Variants in DIP2B observed in about 807,000 individuals in gnomAD.
DIP2B encodes DIP2 acetate--CoA ligase B (putative).
In DIP2B, 76 loss-of-function variants were observed where a neutral mutation model predicts 198.0. That is an observed-to-expected ratio of 0.38 (90% confidence interval 0.32 to 0.46). DIP2B has a LOEUF of 0.46. DIP2B is among the 20% of genes least tolerant of loss of function. The probability of loss-of-function intolerance (pLI) is 0.99; values close to 1 mark genes in which losing one functional copy is unlikely to be tolerated. For missense variants in DIP2B, 1,559 were observed against 1,978.4 expected, an observed-to-expected ratio of 0.79 and a Z score of 4.02; for synonymous variants, 701 against 739.1, an observed-to-expected ratio of 0.95 and a Z score of 0.84.
At chr12:50,652,966 C>T (rs1351648293) in intron 3 of DIP2B, among the ~76,000 whole-genome samples, 3 of 148,122 alleles carry the variant, frequency 2.0e-5, no homozygotes, top group African/African-American at 5.0e-5. Flanking sequence ...TTTAAAGAAA[C>T]GGGGTCTCCC....
chr12:50,699,208 T>A lies in DIP2B; in HGVS notation c.2325+6T>A. The A allele has an allele frequency of 6.2e-7, 1 of 1,613,900 alleles. No individual in the cohort carries two copies. The highest frequency in any genetic ancestry group is 8.5e-7 in the Non-Finnish European group (1 of 1,179,966). On this transcript the variant is annotated splice_donor_region_variant and intron_variant, in intron 19 of 37. Coordinates refer to ENST00000301180, the MANE Select transcript of DIP2B (RefSeq NM_173602.3). ...TGACAAAAAATACATTTGAGGTACA[T>A]GATATTAACATTTCACAGGGAAAAT...
intron 1 of DIP2B, among the ~76,000 whole-genome samples, chr12:50,613,372 C>T (rs969521902): frequency 6.6e-6 from 1 of 152,244 alleles, no homozygotes; most frequent in African/African-American, 2.4e-5. Context: ...ACAAGAAAAC[C>T]TTTACTCTGA....
intron 4 of DIP2B, among the ~76,000 whole-genome samples, chr12:50,668,473 A>G (rs779973789): frequency 3.3e-4 from 50 of 152,208 alleles, no homozygotes; most frequent in Admixed American, 6.5e-5. Context: ...GTCATTAAAC[A>G]CTGAAGACTG....
At chr12:50,724,470 G>A (rs1159541716) in intron 27 of DIP2B, among the ~76,000 whole-genome samples, 2 of 152,124 alleles carry the variant, frequency 1.3e-5, no homozygotes, top group African/African-American at 2.4e-5. Context: ...TTTAATTGTG[G>A]TCTTCATGAA....
chr12:50,536,977 T>C (rs2139369890), intron 1 of DIP2B, among the ~76,000 whole-genome samples: 1 of 151,926 alleles, frequency 6.6e-6, no homozygotes, highest in Middle Eastern at 3.4e-3. Context: ...ACTTTAGTTC[T>C]GACTCTGACA....
intron 1 of DIP2B, among the ~76,000 whole-genome samples, chr12:50,511,291 A>ATCTTTTTTT (rs1958013643): frequency 1.5e-5 from 1 of 64,664 alleles, no homozygotes; most frequent in African/African-American, 6.0e-5. Flanking sequence ...TGTGATTTCT[A>ATCTTTTTTT]TTTTTTTTTT....
intron 29 of DIP2B, 86 bp downstream of exon 29, chr12:50,727,898 G>T (rs1042823507): frequency 8.7e-7 from 1 of 1,144,834 alleles, no homozygotes; most frequent in Middle Eastern, 2.0e-4. Flanking sequence ...GAGGCCAAGT[G>T]GTTGTACCAG....
intron 1 of DIP2B, among the ~76,000 whole-genome samples, chr12:50,556,156 T>G (rs150782668): frequency 0.012 from 1,802 of 152,078 alleles, 43 homozygotes; most frequent in African/African-American, 0.041. Flanking sequence ...TTCAAGCAAT[T>G]CTCCTGCCTC....
chr12:50,647,051 T>G (rs1593683923), intron 3 of DIP2B, among the ~76,000 whole-genome samples: 2 of 109,966 alleles, frequency 1.8e-5, no homozygotes, highest in African/African-American at 7.0e-5. Context: ...TGTCTTTTTT[T>G]GGGGGGAGGG....
At chr12:50,689,577 C>G (rs940065733) in intron 12 of DIP2B, among the ~76,000 whole-genome samples, 1 of 152,074 alleles carries the variant, frequency 6.6e-6, no homozygotes, top group Admixed American at 6.6e-5. Context: ...GCATCCTTCA[C>G]TAAGATAGAA....
At chr12:50,620,989 A>G (rs1444186517) in intron 1 of DIP2B, among the ~76,000 whole-genome samples, 1 of 152,238 alleles carries the variant, frequency 6.6e-6, no homozygotes, top group Non-Finnish European at 1.5e-5. Flanking sequence ...AGATTTCTGG[A>G]TCTTAATCCA....
rs564009541 is a variant in DIP2B, at chr12:50,672,561, C to T, written c.640+1163C>T. ...TTGTTAACAAGATGTCTCATCCAACCGTATATTTTTCATTGCTTCTACTAC... is the reference window on the plus strand; with the variant it reads ...TTGTTAACAAGATGTCTCATCCAACTGTATATTTTTCATTGCTTCTACTAC... On this transcript the variant is annotated intron_variant, in intron 5 of 37. Coordinates refer to ENST00000301180, the MANE Select transcript of DIP2B (RefSeq NM_173602.3). Among the ~76,000 whole-genome samples the T allele has an allele frequency of 3.6e-4, 55 of 152,274 alleles. No homozygotes were observed. In the South Asian group the frequency reaches 0.01, roughly 28 times the overall value.
At chr12:50,506,994 T>C (rs1052834195) in intron 1 of DIP2B, among the ~76,000 whole-genome samples, 3 of 152,174 alleles carry the variant, frequency 2.0e-5, no homozygotes, top group African/African-American at 7.2e-5. Flanking sequence ...TCCAGCTGAT[T>C]GTTGTTTACA....
chr12:50,538,148 T>G (rs894254635), intron 1 of DIP2B, among the ~76,000 whole-genome samples: 7 of 152,052 alleles, frequency 4.6e-5, no homozygotes, highest in African/African-American at 1.7e-4. Flanking sequence ...ATAGGTTAGA[T>G]CTCTGGATGT....
chr12:50,545,754 G>T (rs1409051257), intron 1 of DIP2B, among the ~76,000 whole-genome samples: 1 of 149,034 alleles, frequency 6.7e-6, no homozygotes, highest in East Asian at 2.0e-4. Flanking sequence ...TCCTGCCTCT[G>T]ACTCCCAAGT....
At chr12:50,579,625 A>T (rs1958697038) in intron 1 of DIP2B, among the ~76,000 whole-genome samples, 1 of 25,900 alleles carries the variant, frequency 3.9e-5, no homozygotes, top group African/African-American at 1.8e-4. Flanking sequence ...AAAAAAAAAA[A>T]AAAAAAAAAA....
At chr12:50,682,683 T>C (rs150642136) in intron 9 of DIP2B, among the ~76,000 whole-genome samples, 1 of 142,448 alleles carries the variant, frequency 7.0e-6, no homozygotes, top group Non-Finnish European at 1.5e-5. Context: ...GGCCCTAACA[T>C]GGTGATCAAG....
At chr12:50,692,756 G>A (rs891513068) in intron 13 of DIP2B, among the ~76,000 whole-genome samples, 193 bp from the exon 14 acceptor site, 2 of 152,078 alleles carry the variant, frequency 1.3e-5, no homozygotes, top group South Asian at 4.1e-4. Context: ...AGAATTGATC[G>A]AACCTGGGAG....
intron 4 of DIP2B, among the ~76,000 whole-genome samples, chr12:50,666,567 C>T (rs2731439): frequency 0.27 from 41,268 of 151,964 alleles, 6,363 homozygotes; most frequent in Non-Finnish European, 0.35. Context: ...TGCTTACTTC[C>T]GCTGGGCTGT....
Sources: allele counts gnomAD v4.1 joint callset (sites outside exome capture counted in the v4.1 genomes callset), GRCh38; gene constraint gnomAD v4.1.1; transcripts MANE v1.5; gene names NCBI Gene and HGNC (gene_info 2026-07-23, HGNC 2026-07-21).